The following FAM178B variants were observed in gnomAD, a reference collection of about 807,000 sequenced individuals.
FAM178B encodes the protein protein FAM178B.
In FAM178B, 82 loss-of-function variants were observed where a neutral mutation model predicts 91.7. The ratio of observed to expected loss-of-function variants is 0.89; its 90% CI spans 0.75 to 1.07. FAM178B has a LOEUF of 1.07. Among genes scored for constraint, FAM178B ranks in the 50% least tolerant of loss-of-function variants. The pLI is 0.00. For missense variants in FAM178B, 769 were observed against 846.7 expected (o/e 0.91, Z 1.14); for synonymous variants, 368 against 359.4 (o/e 1.02, Z -0.27).
intron 9 of FAM178B, among the ~76,000 whole-genome samples, chr2:96,924,653 C>A (rs1331526340): frequency 6.6e-6 from 1 of 152,202 alleles, no homozygotes; most frequent in Non-Finnish European, 1.5e-5. Flanking sequence ...TCACCTTCAT[C>A]GTATGGCCGA....
chr2:96,881,564 C>T (rs920964684), intron 14 of FAM178B, among the ~76,000 whole-genome samples: 4 of 151,974 alleles, frequency 2.6e-5, no homozygotes, highest in African/African-American at 7.3e-5. Context: ...GGAGGAGGCC[C>T]GGCTGCAGAA....
intron 6 of FAM178B, among the ~76,000 whole-genome samples, chr2:96,954,334 C>T (rs2081969046): frequency 6.6e-6 from 1 of 152,260 alleles, no homozygotes; most frequent in Admixed American, 6.5e-5. Context: ...TGCCTCCACC[C>T]TCGCCGCCCA....
At chr2:96,970,525 C>A (rs2082203098) in intron 4 of FAM178B, among the ~76,000 whole-genome samples, 191 bp downstream of exon 4, 1 of 152,152 alleles carries the variant, frequency 6.6e-6, no homozygotes, top group Non-Finnish European at 1.5e-5. Context: ...TGGTGGGAGT[C>A]TGGGGGCTCT....
At chr2:96,969,243 G>A (rs1265032084) in intron 4 of FAM178B, among the ~76,000 whole-genome samples, 3 of 152,220 alleles carry the variant, frequency 2.0e-5, no homozygotes, top group Non-Finnish European at 4.4e-5. Flanking sequence ...GAATTCCTAT[G>A]TTGAAGCCCT....
At chr2:96,951,693 T>C (rs2081930608) in intron 6 of FAM178B, 2 of 539,892 alleles carry the variant, frequency 3.7e-6, no homozygotes, top group East Asian at 6.5e-5. Context: ...CTGCTCTTCT[T>C]GAATGTTGCG....
At chr2:96,961,632 C>T (rs557068549) in intron 5 of FAM178B, among the ~76,000 whole-genome samples, 19 of 152,338 alleles carry the variant, frequency 1.2e-4, no homozygotes, top group Non-Finnish European at 1.6e-4. Flanking sequence ...CCCTGGTTTC[C>T]GGCTAGGCCC....
chr2:96,883,285 G>A (rs1463006451), intron 14 of FAM178B, among the ~76,000 whole-genome samples: 1 of 152,184 alleles, frequency 6.6e-6, no homozygotes, highest in Non-Finnish European at 1.5e-5. Context: ...AGGGAAAAAG[G>A]GTGGACATTT....
intron 14 of FAM178B, among the ~76,000 whole-genome samples, chr2:96,887,168 T>C (rs1347805955): frequency 6.6e-6 from 1 of 151,982 alleles, no homozygotes; most frequent in East Asian, 1.9e-4. Context: ...TGAGCCAAGA[T>C]CATGCCACTG....
intron 9 of FAM178B, among the ~76,000 whole-genome samples, chr2:96,924,081 T>C (rs1029442303): frequency 4.6e-5 from 7 of 152,186 alleles, no homozygotes; most frequent in East Asian, 1.9e-4. Flanking sequence ...GCTACAGAAC[T>C]ATGTGAACTC....
intron 9 of FAM178B, among the ~76,000 whole-genome samples, chr2:96,923,813 G>A (rs1443304825): frequency 6.6e-6 from 1 of 152,190 alleles, no homozygotes; most frequent in Non-Finnish European, 1.5e-5. Context: ...ATGTTGGGTG[G>A]GGCTGCGGTC....
At chr2:96,911,924 A>C (rs6732237) in intron 12 of FAM178B, among the ~76,000 whole-genome samples, 142,283 of 152,214 alleles carry the variant, frequency 0.93, 66,644 homozygotes, top group East Asian at 1. Flanking sequence ...CCACACAGAT[A>C]GGTGCTCAGC....
intron 13 of FAM178B, among the ~76,000 whole-genome samples, chr2:96,902,282 T>A (rs2080949459): frequency 6.6e-6 from 1 of 152,002 alleles, no homozygotes; most frequent in Non-Finnish European, 1.5e-5. Context: ...ATTTTTTGTA[T>A]TTTTAGTGGA....
chr2:96,936,780 G>A (rs2081639509), intron 8 of FAM178B, among the ~76,000 whole-genome samples: 1 of 151,800 alleles, frequency 6.6e-6, no homozygotes, highest in South Asian at 2.1e-4. Context: ...CAAAATGCTG[G>A]GATTACAGGC....
chr2:96,909,553 C>T (rs1251262253), intron 12 of FAM178B, among the ~76,000 whole-genome samples: 1 of 152,166 alleles, frequency 6.6e-6, no homozygotes, highest in Non-Finnish European at 1.5e-5. Flanking sequence ...CTCTGACGGC[C>T]CTGGGGGTTG....
chr2:96,898,830 G>C (rs577890059), intron 13 of FAM178B, among the ~76,000 whole-genome samples: 2 of 152,358 alleles, frequency 1.3e-5, no homozygotes, highest in African/African-American at 4.8e-5. Context: ...ACTACTGCGG[G>C]TCGGGGGTGA....
chr2:96,916,472 A>G (rs1321489109), intron 12 of FAM178B, among the ~76,000 whole-genome samples: 1 of 152,224 alleles, frequency 6.6e-6, no homozygotes, highest in Non-Finnish European at 1.5e-5. Flanking sequence ...TGTTTAATGA[A>G]TAGCCGCAGG....
chr2:96,891,405 T>C (rs1378781420), intron 14 of FAM178B, among the ~76,000 whole-genome samples: 5 of 152,200 alleles, frequency 3.3e-5, no homozygotes, highest in African/African-American at 1.2e-4. Context: ...GCTGGTCAGA[T>C]GGCACACAGG....
intron 1 of FAM178B, among the ~76,000 whole-genome samples, chr2:96,980,781 CTTTT>C (rs201636808): frequency 2.0e-5 from 3 of 150,954 alleles, no homozygotes; most frequent in Non-Finnish European, 3.0e-5. Context: ...ACCTAGATAT[CTTTT>C]TTTTTCAATT....
intron 6 of FAM178B, among the ~76,000 whole-genome samples, chr2:96,953,115 G>A (rs1208444251): frequency 6.6e-6 from 1 of 152,156 alleles, no homozygotes; most frequent in Non-Finnish European, 1.5e-5. Context: ...AAGCAGCTTT[G>A]TTCCTGTGGT....
Sources: allele counts gnomAD v4.1 joint callset (sites outside exome capture counted in the v4.1 genomes callset), GRCh38; gene constraint gnomAD v4.1.1; transcripts MANE v1.5; gene names NCBI Gene and HGNC (gene_info 2026-07-23, HGNC 2026-07-21).